Variants in ENPEP observed in about 807,000 individuals in gnomAD.
ENPEP encodes glutamyl aminopeptidase.
A neutral mutation model predicts 114.5 loss-of-function variants in ENPEP; 103 were observed. The observed-to-expected ratio is 0.90, with a 90% confidence interval of 0.77 to 1.06. The LOEUF is 1.06. ENPEP is among the 50% of genes least tolerant of loss of function. The pLI, the probability that ENPEP is intolerant of heterozygous loss-of-function variation, is 0.00. For synonymous variants in ENPEP, 420 were observed against 422.0 expected (o/e 1.00, Z 0.06); for missense variants, 1,196 against 1,161.3 (o/e 1.03, Z -0.43).
chr4:110,478,272 A>C (rs1332186918), intron 1 of ENPEP, among the ~76,000 whole-genome samples: 1 of 152,230 alleles, frequency 6.6e-6, no homozygotes, highest in African/African-American at 2.4e-5. Context: ...ATTGAGTAGA[A>C]GTGATAGTTT....
Position 110,476,405 on chromosome 4 carries a change from G to A in ENPEP, c.-10G>A. 6.6e-7 allele frequency: 1 copy of A among 1,511,182 alleles called. No individual in the cohort carries two copies. Among genetic ancestry groups the A allele is most frequent in the Non-Finnish European group, 8.9e-7 (1 of 1,128,800 alleles). The allele number at this position is 1,511,182 out of a possible 1,614,324, so 93.6% of individuals were successfully genotyped here. A position where few individuals can be genotyped will look rare whatever the true frequency, so the allele number is the denominator to read the frequency against. ...CTTTTTATGTGTAACACTTGACTTT[G>A]GAAGCAAAAATGAACTTTGCGGAGA... On this transcript the variant is annotated 5_prime_UTR_variant, in exon 1 of 20. Transcript: ENST00000265162.
intron 3 of ENPEP, among the ~76,000 whole-genome samples, chr4:110,503,616 G>A (rs1024482438): frequency 3.3e-5 from 5 of 152,128 alleles, no homozygotes; most frequent in African/African-American, 1.2e-4. Context: ...AGGAACCAAG[G>A]CAGTCTGGCT....
rs930124494 is a variant in ENPEP, at chr4:110,489,903, A to G, written c.787-1130A>G. On this transcript the variant is annotated intron_variant, in intron 2 of 19. Transcript: ENST00000265162. The stretch of plus-strand genomic sequence containing the variant: ...ATGATAAAATATTCCTTGAAAAAGC[A>G]ACAACAAAATAAAGCAAATAAACAC... Among the ~76,000 whole-genome samples the G allele has an allele frequency of 5.3e-5, 8 of 152,246 alleles. 1 individual carries two copies. Among genetic ancestry groups the G allele is most frequent in the Admixed American group, 4.6e-4 (7 of 15,276 alleles).
chr4:110,537,039 G>C (rs768882454), intron 11 of ENPEP, among the ~76,000 whole-genome samples: 1 of 152,030 alleles, frequency 6.6e-6, no homozygotes, highest in Non-Finnish European at 1.5e-5. Flanking sequence ...ATAATTTATT[G>C]CTAAAAATGC....
At chr4:110,491,472 A>G (rs1390651673) in intron 3 of ENPEP, among the ~76,000 whole-genome samples, 3 of 152,156 alleles carry the variant, frequency 2.0e-5, no homozygotes, top group East Asian at 3.9e-4. Context: ...GGTATGCCCA[A>G]TGTAATAAAA....
intron 14 of ENPEP, 36 bp downstream of exon 14, chr4:110,548,362 T>C: frequency 6.8e-7 from 1 of 1,473,326 alleles, no homozygotes; most frequent in Non-Finnish European, 9.0e-7. Flanking sequence ...TGAAAGTAAA[T>C]GTTTAGCCAT....
chr4:110,524,441 T>C (rs1726120309), intron 10 of ENPEP, among the ~76,000 whole-genome samples: 1 of 152,256 alleles, frequency 6.6e-6, no homozygotes, highest in South Asian at 2.1e-4. Context: ...AAGAAACTTA[T>C]AAATGTAACC....
chr4:110,539,788 C>T (rs1282022033), intron 11 of ENPEP, among the ~76,000 whole-genome samples: 1 of 115,804 alleles, frequency 8.6e-6, no homozygotes, highest in African/African-American at 4.0e-5. Flanking sequence ...TAGTGCAACA[C>T]AGCATTCATA....
At chr4:110,504,347 G>A (rs1227574901) in intron 3 of ENPEP, among the ~76,000 whole-genome samples, 3 of 152,190 alleles carry the variant, frequency 2.0e-5, no homozygotes, top group Non-Finnish European at 4.4e-5. Context: ...TATGATTAAA[G>A]CACTCAGGGT....
intron 1 of ENPEP, among the ~76,000 whole-genome samples, chr4:110,484,648 A>G (rs1400792515): frequency 6.6e-6 from 1 of 151,314 alleles, no homozygotes; most frequent in Non-Finnish European, 1.5e-5. Flanking sequence ...GTTTTTGCCT[A>G]CAATCAAGCA....
intron 13 of ENPEP, among the ~76,000 whole-genome samples, chr4:110,546,813 A>T (rs1182025507): frequency 6.6e-6 from 1 of 152,106 alleles, no homozygotes; most frequent in Non-Finnish European, 1.5e-5. Context: ...GATTTAGTTA[A>T]TTGCAAAATG....
chr4:110,559,652 C>T lies in ENPEP; in HGVS notation c.2648C>T (p.Thr883Ile). ...LNWDYLVNRY[T>I]LNNRNLGRIV... Reference sequence around the variant, plus strand: ...TACTCTAAATTTCTCTCCAGATATACACTCAATAACAGAAACCTTGGCCGA... The same window carrying T: ...TACTCTAAATTTCTCTCCAGATATATACTCAATAACAGAAACCTTGGCCGA... Residue 883 changes from threonine to isoleucine, a missense_variant, in exon 19 of 20, where the codon ACA becomes ATA. By Grantham distance (89) the Thr-to-Ile change is moderately conservative (BLOSUM62 -1). Coordinates refer to ENST00000265162, the MANE Select transcript of ENPEP (RefSeq NM_001977.4). The T allele has an allele frequency of 6.2e-7, 1 of 1,611,260 alleles. No individual in the cohort carries two copies.
At chr4:110,519,800 T>C (rs1162280901) in intron 8 of ENPEP, among the ~76,000 whole-genome samples, 2 of 151,968 alleles carry the variant, frequency 1.3e-5, no homozygotes, top group African/African-American at 4.8e-5. Flanking sequence ...TTGAAAAAAA[T>C]CAAAAGAAGA....
At chr4:110,495,964 C>A (rs772917215) in intron 3 of ENPEP, among the ~76,000 whole-genome samples, 37 of 152,182 alleles carry the variant, frequency 2.4e-4, no homozygotes, top group Non-Finnish European at 4.6e-4. Flanking sequence ...TAAGGGAATG[C>A]TGGTGGAAGA....
At chr4:110,543,415 T>C (rs1726928324) in intron 13 of ENPEP, among the ~76,000 whole-genome samples, 1 of 152,220 alleles carries the variant, frequency 6.6e-6, no homozygotes, top group Middle Eastern at 3.4e-3. Context: ...ACAAACAATG[T>C]ATTTTATTAA....
chr4:110,484,615 G>A (rs1376425230), intron 1 of ENPEP, among the ~76,000 whole-genome samples: 1 of 151,506 alleles, frequency 6.6e-6, no homozygotes, highest in African/African-American at 2.4e-5. Flanking sequence ...GCAAGCTCAG[G>A]AATACGCTAG....
chr4:110,534,403 A>G lies in ENPEP; in HGVS notation c.1807+3126A>G, dbSNP rs141620538. Reference sequence around the variant, plus strand: ...CCTGTCATAAAATATAGTATATTTTATCCTGTCACTTTCATCAGCCCTTAT... The same window carrying G: ...CCTGTCATAAAATATAGTATATTTTGTCCTGTCACTTTCATCAGCCCTTAT... On this transcript the variant is annotated intron_variant, in intron 11 of 19. Coordinates refer to ENST00000265162, the MANE Select transcript of ENPEP (RefSeq NM_001977.4). 2.7e-3 allele frequency among the ~76,000 whole-genome samples: 409 copies of G among 151,806 alleles called. 1 individual carries two copies. The highest frequency in any genetic ancestry group is 9.4e-3 in the African/African-American group (388 of 41,414).
chr4:110,497,249 T>A (rs1322343043), intron 3 of ENPEP, among the ~76,000 whole-genome samples: 1 of 152,220 alleles, frequency 6.6e-6, no homozygotes, highest in Non-Finnish European at 1.5e-5. Flanking sequence ...ATTTTGGCTG[T>A]GGCTTTGCTA....
Position 110,542,808 on chromosome 4 carries a change from A to G in ENPEP, c.1865A>G (p.Asp622Gly), listed in dbSNP as rs569341367. ...AATGCTTTTCTCAAAATAAACCCAG[A>G]TCATATTGGGTTTTATCGTGTAAAT... ...SGNAFLKINP[D>G]HIGFYRVNYE... The change falls in exon 12 of 20, where the codon GAT (aspartate) becomes GGT (glycine). Residue 622 changes from aspartate to glycine, a missense_variant. Transcript: ENST00000265162. 238 of 1,612,794 alleles carry G rather than the reference A, an allele frequency of 1.5e-4. 5 individuals carry two copies. The South Asian group carries it at 2.5e-3, about 17-fold the overall frequency.
Sources: gnomAD v4.1 joint callset for allele counts (sites outside exome capture counted in the v4.1 genomes callset) on GRCh38, gnomAD v4.1.1 for gene constraint, MANE v1.5 for transcripts, NCBI Gene and HGNC (gene_info 2026-07-23, HGNC 2026-07-21) for gene names.